FRYL: variants seen among roughly 807,000 people sequenced by gnomAD.
FRYL encodes protein furry homolog-like.
Under a neutral mutation model 351.2 loss-of-function variants are expected in FRYL, and 150 were observed. The observed-to-expected ratio is 0.43, with a 90% confidence interval of 0.37 to 0.49. The LOEUF is 0.49. FRYL is among the 20% of genes least tolerant of loss of function. The pLI, the probability that FRYL is intolerant of heterozygous loss-of-function variation, is 0.00. For synonymous variants in FRYL, 1,153 were observed against 1,257.1 expected (o/e 0.92, Z 1.75); for missense variants, 3,036 against 3,619.3 (o/e 0.84, Z 4.13).
intron 1 of FRYL, among the ~76,000 whole-genome samples, chr4:48,759,639 G>A (rs988109390): frequency 2.0e-5 from 3 of 152,120 alleles, no homozygotes; most frequent in African/African-American, 7.2e-5. Flanking sequence ...TTTGTAAGAT[G>A]AGGGCTCACT....
Position 48,685,135 on chromosome 4 carries a change from T to C in FRYL, c.-203-340A>G, listed in dbSNP as rs148315740. 2.7e-4 allele frequency among the ~76,000 whole-genome samples: 41 copies of C among 152,304 alleles called. No homozygotes were observed. The East Asian group carries it at 4.8e-3, about 18-fold the overall frequency. ...TTATTCTAAAGCAAATTCCAGACAT[T>C]ATAACATTTCATCTGTAGATAATTC... On this transcript the variant is annotated intron_variant, in intron 2 of 63. Coordinates refer to ENST00000358350, the MANE Select transcript of FRYL (RefSeq NM_015030.2).
In FRYL at chr4:48,771,730, C is replaced by G. The variant is rs187304267; in HGVS notation, c.-384+8348G>C. On this transcript the variant is annotated intron_variant, in intron 1 of 63. Coordinates refer to ENST00000358350, the MANE Select transcript of FRYL (RefSeq NM_015030.2). Reference sequence around the variant, plus strand: ...AGTAAAAAACAACAAGTCCCTAGCACTAAAGCTCCATGCACAGAAAGTCTT... The same window carrying G: ...AGTAAAAAACAACAAGTCCCTAGCAGTAAAGCTCCATGCACAGAAAGTCTT... 1.4e-3 allele frequency among the ~76,000 whole-genome samples: 214 copies of G among 152,126 alleles called. 1 individual carries two copies. Among genetic ancestry groups the G allele is most frequent in the African/African-American group, 4.6e-3 (190 of 41,470 alleles).
chr4:48,515,298 G>A, intron 55 of FRYL, 23 bp from the exon 56 acceptor site: 2 of 1,555,188 alleles, frequency 1.3e-6, no homozygotes, highest in Non-Finnish European at 1.8e-6. Context: ...CATAGTTTTA[G>A]TGAACTATAA....
At chr4:48,559,620 G>C (rs1359462769) in intron 33 of FRYL, among the ~76,000 whole-genome samples, 4 of 125,212 alleles carry the variant, frequency 3.2e-5, no homozygotes, top group African/African-American at 9.2e-5. Flanking sequence ...ATGGCTTTGT[G>C]GGGGGAAGGG....
chr4:48,643,839 A>G (rs1485034799), intron 3 of FRYL, among the ~76,000 whole-genome samples: 1 of 152,192 alleles, frequency 6.6e-6, no homozygotes, highest in Non-Finnish European at 1.5e-5. Context: ...AAAAGAAGAT[A>G]TAAAAGAAGA....
At chr4:48,544,644 ATC>A (rs1560573764) in intron 43 of FRYL, 137 bp downstream of exon 43, 16 of 610,918 alleles carry the variant, frequency 2.6e-5, no homozygotes, top group South Asian at 4.2e-5. Context: ...GTGAAAACAG[ATC>A]TGTTATCATT....
chr4:48,544,670 T>C, intron 43 of FRYL, 113 bp downstream of exon 43: 1 of 781,188 alleles, frequency 1.3e-6, no homozygotes, highest in East Asian at 3.0e-5. Context: ...AAATTAAAAG[T>C]CTAAAACTTT....
Position 48,542,042 on chromosome 4 carries a change from A to G in FRYL, c.5672T>C (p.Leu1891Pro). The G allele has an allele frequency of 1.2e-6, 2 of 1,612,832 alleles. No individual in the cohort carries two copies. The highest frequency in any genetic ancestry group is 1.7e-6 in the Non-Finnish European group (2 of 1,178,860). The stretch of plus-strand genomic sequence containing the variant: ...AAATTCTTACTGAGAAAGGGCAGAA[A>G]GAAGATCATAATGCTTCATGGTTTC... ...LAETMKHYDL[L>P]SALSQTSYHD... is the part of the protein sequence containing the mutation. Residue 1891 changes from leucine to proline, a missense_variant, in exon 45 of 64, where the codon CTT becomes CCT. Transcript: ENST00000358350.
At chr4:48,736,261 T>C (rs1560333253) in intron 1 of FRYL, among the ~76,000 whole-genome samples, 1 of 151,024 alleles carries the variant, frequency 6.6e-6, no homozygotes, top group African/African-American at 2.4e-5. Context: ...ACATAGAAAA[T>C]GAGAAAAATC....
intron 2 of FRYL, among the ~76,000 whole-genome samples, chr4:48,694,200 G>T (rs896490595): frequency 2.0e-5 from 3 of 152,088 alleles, no homozygotes; most frequent in Non-Finnish European, 4.4e-5. Context: ...GTTTCAAGTG[G>T]GGGGTGGGAG....
Position 48,608,983 on chromosome 4 carries a change from T to G in FRYL, c.572+4A>C. ...AATCTAAATGGGTGATTTACAAAACTTACTTTGATTGGGCAAGAACCCCTA... is the reference window on the plus strand; with the variant it reads ...AATCTAAATGGGTGATTTACAAAACGTACTTTGATTGGGCAAGAACCCCTA... On this transcript the variant is annotated splice_donor_region_variant and intron_variant, in intron 9 of 63. Transcript: ENST00000358350. The G allele has an allele frequency of 6.3e-7, 1 of 1,588,806 alleles. No individual in the cohort carries two copies. Among genetic ancestry groups the G allele is most frequent in the Non-Finnish European group, 8.6e-7 (1 of 1,157,792 alleles).
intron 1 of FRYL, among the ~76,000 whole-genome samples, chr4:48,745,708 A>T (rs1772598772): frequency 6.6e-6 from 1 of 152,196 alleles, no homozygotes; most frequent in African/African-American, 2.4e-5. Context: ...CATATGTAAC[A>T]AACCTGCACG....
chr4:48,658,454 T>C (rs993319756), intron 3 of FRYL, among the ~76,000 whole-genome samples: 7 of 151,836 alleles, frequency 4.6e-5, no homozygotes, highest in Non-Finnish European at 8.8e-5. Flanking sequence ...AGGTTTTAGG[T>C]AGGCTGGGTA....
intron 2 of FRYL, among the ~76,000 whole-genome samples, chr4:48,706,496 G>A (rs1285829393): frequency 2.6e-5 from 4 of 152,168 alleles, no homozygotes; most frequent in Admixed American, 6.5e-5. Context: ...CAAAGAAGAC[G>A]ATGGGGAGTT....
At chr4:48,582,087 A>C (rs116800145) in intron 20 of FRYL, among the ~76,000 whole-genome samples, 2,750 of 152,330 alleles carry the variant, frequency 0.018, 79 homozygotes, top group African/African-American at 0.062. Flanking sequence ...CATTATCATA[A>C]ATCAATGATT....
chr4:48,635,302 G>A (rs769048630), intron 3 of FRYL, among the ~76,000 whole-genome samples: 28 of 152,246 alleles, frequency 1.8e-4, no homozygotes, highest in Middle Eastern at 3.4e-3. Flanking sequence ...AGAATGGATT[G>A]AAAGAGGGAA....
At position 48,586,688 on chromosome 4, in the gene FRYL, T is replaced by C. The variant is rs371865219; in HGVS notation, c.1681A>G (p.Ile561Val). 8.7e-6 allele frequency: 14 copies of C among 1,611,324 alleles called. No homozygotes were observed. The highest frequency in any genetic ancestry group is 1.3e-5 in the African/African-American group (1 of 74,720). Residue 561 changes from isoleucine to valine, a missense_variant, in exon 19 of 64, where the codon ATT becomes GTT. Coordinates refer to ENST00000358350, the MANE Select transcript of FRYL (RefSeq NM_015030.2). Reference sequence around the variant, plus strand: ...GGAATCAACCTTGGAATCGCAGCAATACAAGTTCTAAACAAATCAATCTTG... The same window carrying C: ...GGAATCAACCTTGGAATCGCAGCAACACAAGTTCTAAACAAATCAATCTTG... ...KPKIDLFRTC[I>V]AAIPRLIPDG... is the part of the protein sequence containing the mutation.
At position 48,549,115 on chromosome 4, in the gene FRYL, A is replaced by G. The variant is rs542462319; in HGVS notation, c.4785-322T>C. 1.3e-5 allele frequency among the ~76,000 whole-genome samples: 2 copies of G among 152,184 alleles called. No individual in the cohort carries two copies. Among genetic ancestry groups the G allele is most frequent in the African/African-American group, 4.8e-5 (2 of 41,454 alleles). ...GCATTAATACATTTTGAAAGAATGC[A>G]GTAATTGCTCTATTGTGATTTTGCT... is the stretch of plus-strand genomic sequence containing the variant. On this transcript the variant is annotated intron_variant, in intron 39 of 63. Transcript: ENST00000358350. This position sits in a 1 kb window ranked among gnomAD's most constrained non-coding sequence, Gnocchi z 4.2.
intron 58 of FRYL, among the ~76,000 whole-genome samples, chr4:48,510,572 A>T (rs186580715): frequency 7.9e-5 from 12 of 152,286 alleles, no homozygotes; most frequent in Non-Finnish European, 1.8e-4. Context: ...AAGAATATAA[A>T]AATTACCCAT....
Sources: allele counts gnomAD v4.1 joint callset (sites outside exome capture counted in the v4.1 genomes callset), GRCh38; gene constraint gnomAD v4.1.1; non-coding constraint Gnocchi (gnomAD v3.1); transcripts MANE v1.5; gene names NCBI Gene and HGNC (gene_info 2026-07-23, HGNC 2026-07-21).